Variants in GHR observed in about 807,000 individuals in gnomAD.
The protein encoded by GHR is GH receptor.
In GHR, 35 loss-of-function variants were observed where a neutral mutation model predicts 67.1. That is an observed-to-expected ratio of 0.52 (90% confidence interval 0.40 to 0.69). The LOEUF (loss-of-function observed/expected upper bound fraction) is 0.69. Ranked by LOEUF, GHR falls within the 30% of genes least tolerant of loss-of-function variation. The probability of loss-of-function intolerance (pLI) is 0.00; values close to 1 mark genes in which losing one functional copy is unlikely to be tolerated. For missense variants in GHR, 792 were observed against 764.6 expected (o/e 1.04, Z -0.42); for synonymous variants, 272 against 269.1 (o/e 1.01, Z -0.10).
intron 2 of GHR, among the ~76,000 whole-genome samples, chr5:42,589,577 AT>A (rs1471937781): frequency 6.6e-6 from 1 of 152,202 alleles, no homozygotes; most frequent in Non-Finnish European, 1.5e-5. Flanking sequence ...TGAACTATTG[AT>A]TATTGTGTCA....
intron 1 of GHR, among the ~76,000 whole-genome samples, chr5:42,561,264 G>A (rs968519478): frequency 7.9e-5 from 12 of 151,996 alleles, no homozygotes; most frequent in African/African-American, 2.7e-4. Flanking sequence ...TTCTATTTTC[G>A]GGTATGCTCC....
chr5:42,557,707 A>G (rs1348736332), intron 1 of GHR, among the ~76,000 whole-genome samples: 1 of 152,172 alleles, frequency 6.6e-6, no homozygotes, highest in Non-Finnish European at 1.5e-5. Context: ...AAGATTAATG[A>G]TAGCATCTGT....
chr5:42,621,189 T>C (rs1442840159), intron 2 of GHR, among the ~76,000 whole-genome samples: 1 of 151,768 alleles, frequency 6.6e-6, no homozygotes, highest in African/African-American at 2.4e-5. Context: ...CTTGTAACAG[T>C]AGGAAGGAAA....
intron 2 of GHR, among the ~76,000 whole-genome samples, chr5:42,593,204 C>A (rs1751883385): frequency 6.6e-6 from 1 of 152,146 alleles, no homozygotes; most frequent in African/African-American, 2.4e-5. Context: ...GATGCAAATG[C>A]CTTGTGTCAC....
intron 1 of GHR, among the ~76,000 whole-genome samples, chr5:42,553,633 G>A (rs1258762364): frequency 6.6e-6 from 1 of 152,182 alleles, no homozygotes; most frequent in East Asian, 1.9e-4. Flanking sequence ...AAAGCCAGTG[G>A]GTTAGCCATC....
At chr5:42,566,079 A>G in intron 2 of GHR, 135 bp downstream of exon 2, 2 of 1,009,524 alleles carry the variant, frequency 2.0e-6, no homozygotes, top group Middle Eastern at 2.4e-4. Context: ...AACTTGACTT[A>G]GCTTTAAAAT....
chr5:42,479,826 C>G (rs1745533631), intron 1 of GHR, among the ~76,000 whole-genome samples: 1 of 152,164 alleles, frequency 6.6e-6, no homozygotes, highest in East Asian at 1.9e-4. Flanking sequence ...TTGATCTTTT[C>G]AAAAAACCAG....
At chr5:42,563,917 G>A (rs1243519226) in intron 1 of GHR, among the ~76,000 whole-genome samples, 1 of 152,154 alleles carries the variant, frequency 6.6e-6, no homozygotes, top group African/African-American at 2.4e-5. Flanking sequence ...GAGGTTTCCA[G>A]CTTTGATTAC....
At chr5:42,625,566 A>G (rs1463789751) in intron 2 of GHR, among the ~76,000 whole-genome samples, 1 of 152,154 alleles carries the variant, frequency 6.6e-6, no homozygotes, top group Non-Finnish European at 1.5e-5. Flanking sequence ...TTGGTTTTAT[A>G]TATTTTAGGG....
intron 3 of GHR, among the ~76,000 whole-genome samples, chr5:42,647,312 C>T (rs141519303): frequency 0.014 from 2,139 of 152,158 alleles, 19 homozygotes; most frequent in Middle Eastern, 0.027. Flanking sequence ...TTGTGGCTCA[C>T]ACCTGTAATC....
intron 5 of GHR, among the ~76,000 whole-genome samples, chr5:42,696,670 G>A (rs4476730): frequency 2.6e-5 from 4 of 152,142 alleles, no homozygotes; most frequent in African/African-American, 9.7e-5. Flanking sequence ...GTAGTTGTTT[G>A]TGCCCCAAAA....
intron 2 of GHR, among the ~76,000 whole-genome samples, chr5:42,581,565 A>G (rs1751170871): frequency 6.6e-6 from 1 of 152,224 alleles, no homozygotes; most frequent in Non-Finnish European, 1.5e-5. Flanking sequence ...TATTAGACCA[A>G]CTGTGGCTGT....
intron 1 of GHR, among the ~76,000 whole-genome samples, chr5:42,478,617 T>A (rs1377089364): frequency 6.6e-6 from 1 of 152,208 alleles, no homozygotes; most frequent in African/African-American, 2.4e-5. Flanking sequence ...GTAAGTTGGA[T>A]TTCTAGGTAT....
intron 1 of GHR, among the ~76,000 whole-genome samples, chr5:42,520,111 T>C (rs1747411568): frequency 6.6e-6 from 1 of 152,200 alleles, no homozygotes; most frequent in South Asian, 2.1e-4. Context: ...ATTAGTCCAA[T>C]ATAGCTAAAG....
chr5:42,500,160 G>C (rs926109469), intron 1 of GHR, among the ~76,000 whole-genome samples: 1 of 152,174 alleles, frequency 6.6e-6, no homozygotes, highest in African/African-American at 2.4e-5. Context: ...GTCGAGTGTG[G>C]GCTGGATTTC....
At chr5:42,712,850 G>T (rs1401658487) in intron 7 of GHR, among the ~76,000 whole-genome samples, 2 of 150,786 alleles carry the variant, frequency 1.3e-5, no homozygotes, top group Non-Finnish European at 3.0e-5. Context: ...TAATATACAT[G>T]AGATATATTT....
At chr5:42,449,684 T>A (rs1049880197) in intron 1 of GHR, among the ~76,000 whole-genome samples, 1 of 152,186 alleles carries the variant, frequency 6.6e-6, no homozygotes, top group African/African-American at 2.4e-5. Flanking sequence ...TGAATAGAAG[T>A]GGTGACAGTG....
intron 1 of GHR, among the ~76,000 whole-genome samples, chr5:42,530,406 GA>G (rs1251334112): frequency 1.3e-5 from 2 of 152,152 alleles, no homozygotes; most frequent in Non-Finnish European, 2.9e-5. Flanking sequence ...TGTCATGGAA[GA>G]AAACACTAAC....
Position 42,719,519 on chromosome 5 carries a change from G to C in GHR, c.*95G>C. ...CAAAACAATGTTTAAACCTTTTTTG[G>C]GGGAGTGACAGGATGGGGTATGGAT... On this transcript the variant is annotated 3_prime_UTR_variant, in exon 10 of 10. Coordinates refer to ENST00000230882, the MANE Select transcript of GHR (RefSeq NM_000163.5). 1 of 1,216,342 alleles carries C rather than the reference G, an allele frequency of 8.2e-7. No homozygotes were observed. Among genetic ancestry groups the C allele is most frequent in the Middle Eastern group, 1.9e-4 (1 of 5,336 alleles). 75.3% of individuals were successfully genotyped at this position (1,216,342 alleles called of 1,614,324 possible).
Sources: gnomAD v4.1 joint callset for allele counts (sites outside exome capture counted in the v4.1 genomes callset) on GRCh38, gnomAD v4.1.1 for gene constraint, MANE v1.5 for transcripts, NCBI Gene and HGNC (gene_info 2026-07-23, HGNC 2026-07-21) for gene names.